Variants in POLN observed in about 807,000 individuals in gnomAD.
POLN encodes the protein DNA polymerase nu, also known as DNA polymerase N.
In POLN, 108 loss-of-function variants were observed where a neutral mutation model predicts 113.5. The observed-to-expected ratio is 0.95, with a 90% CI of 0.81 to 1.12. POLN has a LOEUF of 1.12. Ranked by LOEUF, POLN falls within the 50% of genes most tolerant of loss-of-function variation. POLN has a pLI of 0.00. For synonymous variants in POLN, 386 were observed against 391.5 expected, an observed-to-expected ratio of 0.99 and a Z score of 0.17; for missense variants, 1,097 against 1,077.1, an observed-to-expected ratio of 1.02 and a Z score of -0.26.
intron 19 of POLN, 102 bp downstream of exon 19, chr4:2,128,011 T>A: frequency 1.3e-6 from 1 of 744,890 alleles, no homozygotes. Context: ...ACAAAAAATA[T>A]AATTTCTGCC....
In POLN at chr4:2,199,150, C is replaced by A. The variant is rs188959269; in HGVS notation, c.715-433G>T. Among the ~76,000 whole-genome samples, 434 of 152,174 alleles carry A rather than the reference C, an allele frequency of 2.9e-3. 1 individual carries two copies. Among genetic ancestry groups the A allele is most frequent in the Non-Finnish European group, 4.6e-3 (311 of 67,976 alleles). On this transcript the variant is annotated intron_variant, in intron 5 of 25. Transcript: ENST00000511885. ...TATATTTTTATATTCTAGCAATAAACATGTGAAAATAAAATTTTTTAAAAC... is the reference window on the plus strand; with the variant it reads ...TATATTTTTATATTCTAGCAATAAAAATGTGAAAATAAAATTTTTTAAAAC...
chr4:2,173,861 G>C (rs557211307), intron 11 of POLN, 94 bp downstream of exon 11: 123 of 1,193,728 alleles, frequency 1.0e-4, no homozygotes, highest in Non-Finnish European at 1.4e-4. Context: ...AGGAAGAGAA[G>C]AAAAGGAGAA....
intron 14 of POLN, 101 bp downstream of exon 14, chr4:2,159,054 G>A (rs1445203134): frequency 2.3e-6 from 2 of 883,698 alleles, no homozygotes; most frequent in African/African-American, 3.3e-5. Context: ...AGAACACTGG[G>A]AGGGCTACTT....
intron 5 of POLN, among the ~76,000 whole-genome samples, chr4:2,204,330 C>T (rs903869602): frequency 3.3e-5 from 5 of 152,032 alleles, no homozygotes; most frequent in South Asian, 4.2e-4. Flanking sequence ...CACATAAACT[C>T]GAAAACCTAG....
intron 16 of POLN, among the ~76,000 whole-genome samples, chr4:2,138,438 G>C (rs986650709): frequency 3.9e-5 from 6 of 152,164 alleles, no homozygotes; most frequent in African/African-American, 1.4e-4. Flanking sequence ...GAGCTGGAAG[G>C]CTGGCACCAA....
chr4:2,131,041 C>T (rs1261006812), intron 17 of POLN, among the ~76,000 whole-genome samples, 192 bp downstream of exon 17: 1 of 152,048 alleles, frequency 6.6e-6, no homozygotes, highest in Non-Finnish European at 1.5e-5. Context: ...ACAAATTAGC[C>T]AAGTATGGTG....
At chr4:2,177,776 A>G (rs1380657310) in intron 8 of POLN, among the ~76,000 whole-genome samples, 1 of 152,242 alleles carries the variant, frequency 6.6e-6, no homozygotes, top group Non-Finnish European at 1.5e-5. Flanking sequence ...GGGTAGGGAT[A>G]CTAATCAAGA....
intron 7 of POLN, among the ~76,000 whole-genome samples, chr4:2,184,133 C>T (rs1733212969): frequency 2.7e-5 from 4 of 149,618 alleles, no homozygotes; most frequent in African/African-American, 5.0e-5. Flanking sequence ...GGATTACAGA[C>T]GTGAGCCACC....
At chr4:2,241,944 C>T (rs1356784256) in intron 1 of POLN, 107 bp downstream of exon 1, 2 of 985,560 alleles carry the variant, frequency 2.0e-6, no homozygotes, top group Non-Finnish European at 2.4e-6. Flanking sequence ...TGGAAGGAGC[C>T]CCCAGGAGCG....
intron 20 of POLN, among the ~76,000 whole-genome samples, chr4:2,086,433 T>C (rs1730552622): frequency 6.6e-6 from 1 of 152,208 alleles, no homozygotes; most frequent in African/African-American, 2.4e-5. Flanking sequence ...GGAGGTTCTG[T>C]GTGGCCCTGG....
At position 2,078,586 on chromosome 4, in the gene POLN, G is replaced by C. The variant is rs988901152; in HGVS notation, c.2387+2372C>G. Reference sequence around the variant, plus strand: ...GTGCCTCCCAGTGATCGAGTTTCATGCCTGCTGCTTCAGCGAGAGATGCCT... The same window carrying C: ...GTGCCTCCCAGTGATCGAGTTTCATCCCTGCTGCTTCAGCGAGAGATGCCT... On this transcript the variant is annotated intron_variant, in intron 23 of 25. Coordinates refer to ENST00000511885, the MANE Select transcript of POLN (RefSeq NM_181808.4). The C allele has an allele frequency of 6.1e-6, 6 of 984,572 alleles. No individual in the cohort carries two copies. In the African/African-American group the frequency reaches 1.1e-4, roughly 17 times the overall value. 61.0% of individuals were successfully genotyped at this position (984,572 alleles called of 1,614,324 possible). A position where few individuals can be genotyped will look rare whatever the true frequency, so the allele number is the denominator to read the frequency against.
At chr4:2,135,946 G>A (rs1731847133) in intron 16 of POLN, among the ~76,000 whole-genome samples, 1 of 152,248 alleles carries the variant, frequency 6.6e-6, no homozygotes, top group African/African-American at 2.4e-5. Context: ...CTCCTCGGGC[G>A]AGGAGCTGGC....
At chr4:2,124,563 G>A (rs1441173169) in intron 19 of POLN, among the ~76,000 whole-genome samples, 3 of 152,144 alleles carry the variant, frequency 2.0e-5, no homozygotes, top group African/African-American at 4.8e-5. Flanking sequence ...ATGGGCATGC[G>A]CCACTGTGCC....
intron 13 of POLN, among the ~76,000 whole-genome samples, chr4:2,170,261 T>TA (rs1732826984): frequency 6.6e-6 from 1 of 152,194 alleles, no homozygotes; most frequent in Non-Finnish European, 1.5e-5. Flanking sequence ...ACAATCTCAC[T>TA]ACTCCTTGTC....
intron 19 of POLN, among the ~76,000 whole-genome samples, chr4:2,121,785 GCTAA>G (rs1315206840): frequency 1.3e-5 from 2 of 151,580 alleles, no homozygotes. Flanking sequence ...TTTTCAAAGA[GCTAA>G]CTTTTTTTTT....
chr4:2,153,706 C>G (rs1253033983), intron 16 of POLN, among the ~76,000 whole-genome samples: 2 of 151,692 alleles, frequency 1.3e-5, no homozygotes, highest in Non-Finnish European at 2.9e-5. Context: ...CCTCAGCCTC[C>G]CAAGTAGCTG....
intron 19 of POLN, among the ~76,000 whole-genome samples, chr4:2,121,045 T>A (rs537737504): frequency 2.4e-4 from 36 of 152,286 alleles, no homozygotes; most frequent in African/African-American, 7.9e-4. Context: ...TATATGTCAT[T>A]TCCTTTTTTT....
At chr4:2,099,382 T>G (rs1372642497) in intron 19 of POLN, among the ~76,000 whole-genome samples, 1 of 152,192 alleles carries the variant, frequency 6.6e-6, no homozygotes, top group Non-Finnish European at 1.5e-5. Flanking sequence ...CCTGATTCAG[T>G]GTGAAGGGAA....
At chr4:2,219,024 G>A (rs1734189072) in intron 3 of POLN, among the ~76,000 whole-genome samples, 1 of 152,162 alleles carries the variant, frequency 6.6e-6, no homozygotes, top group African/African-American at 2.4e-5. Context: ...TCTTTGCTGG[G>A]AAGGCAGTTT....
Sources: gnomAD v4.1 joint callset for allele counts (sites outside exome capture counted in the v4.1 genomes callset) on GRCh38, gnomAD v4.1.1 for gene constraint, MANE v1.5 for transcripts, NCBI Gene and HGNC (gene_info 2026-07-23, HGNC 2026-07-21) for gene names.